Variants in INO80 observed in about 807,000 individuals in gnomAD.
The protein encoded by INO80 is chromatin-remodeling ATPase INO80.
Under a neutral mutation model 203.4 loss-of-function variants are expected in INO80, and 20 were observed. The observed-to-expected ratio is 0.10, with a 90% CI of 0.07 to 0.14. INO80 has a LOEUF of 0.14. INO80 is among the 10% of genes least tolerant of loss of function. The pLI, the probability that INO80 is intolerant of heterozygous loss-of-function variation, is 1.00. For missense variants in INO80, 1,419 were observed against 1,914.4 expected, an observed-to-expected ratio of 0.74 and a Z score of 4.83; for synonymous variants, 726 against 685.2, an observed-to-expected ratio of 1.06 and a Z score of -0.93.
At chr15:41,042,731 CA>C (rs1295480821) in intron 24 of INO80, among the ~76,000 whole-genome samples, 1 of 152,180 alleles carries the variant, frequency 6.6e-6, no homozygotes, top group Non-Finnish European at 1.5e-5. Context: ...GCCTCGGACT[CA>C]AAAAGTGCTG....
intron 29 of INO80, among the ~76,000 whole-genome samples, chr15:40,991,652 C>A (rs1031787412): frequency 6.6e-6 from 1 of 151,976 alleles, no homozygotes; most frequent in Non-Finnish European, 1.5e-5. Context: ...ATTGTAAACA[C>A]CAAGCAGGGC....
intron 4 of INO80, among the ~76,000 whole-genome samples, chr15:41,093,989 CGG>C (rs1566946719): frequency 6.6e-6 from 1 of 152,138 alleles, no homozygotes; most frequent in African/African-American, 2.4e-5. Flanking sequence ...TTAACCAAAT[CGG>C]ACCTTTTACA....
intron 29 of INO80, among the ~76,000 whole-genome samples, chr15:40,994,382 G>C (rs531816510): frequency 6.6e-6 from 1 of 152,094 alleles, no homozygotes; most frequent in South Asian, 2.1e-4. Flanking sequence ...GTTTGTTTTT[G>C]AGATGGAGTC....
Position 40,980,142 on chromosome 15 carries a change from C to CG in INO80, c.*80dup. 11 of 1,140,062 alleles carry CG rather than the reference C, an allele frequency of 9.6e-6. No individual in the cohort carries two copies. The highest frequency in any genetic ancestry group is 1.5e-5 in the Non-Finnish European group (11 of 755,400). 70.6% of individuals were successfully genotyped at this position (1,140,062 alleles called of 1,614,324 possible). A position where few individuals can be genotyped will look rare whatever the true frequency, so the allele number is the denominator to read the frequency against. On this transcript the variant is annotated 3_prime_UTR_variant, in exon 36 of 36. Coordinates refer to ENST00000648947, the MANE Select transcript of INO80 (RefSeq NM_017553.3). ...CTGACTCAGGATGCAAGATGCTGCA[C>CG]GGGGCAAGCCATCCAAAGACCACTG...
At chr15:41,000,706 C>CAA (rs58232890) in intron 28 of INO80, among the ~76,000 whole-genome samples, 191 of 56,288 alleles carry the variant, frequency 3.4e-3, no homozygotes, top group Middle Eastern at 0.013. Context: ...CACCCTGTCT[C>CAA]AAAAAAAAAA....
intron 28 of INO80, among the ~76,000 whole-genome samples, chr15:40,998,652 G>A (rs747918417): frequency 1.6e-4 from 24 of 150,992 alleles, no homozygotes; most frequent in Non-Finnish European, 2.8e-4. Context: ...CAAAGGACAA[G>A]TTTTGTTTTT....
chr15:40,987,059 G>T, intron 31 of INO80, 32 bp downstream of exon 31: 1 of 1,237,356 alleles, frequency 8.1e-7, no homozygotes, highest in South Asian at 1.2e-5. Flanking sequence ...TCAGATACGT[G>T]AGGGGAGTGT....
At chr15:41,009,605 GTTTTT>G (rs2140446907) in intron 27 of INO80, among the ~76,000 whole-genome samples, 1 of 151,816 alleles carries the variant, frequency 6.6e-6, no homozygotes, top group Admixed American at 6.6e-5. Context: ...GTTTTGTTTT[GTTTTT>G]GAGGCAGGGT....
intron 1 of INO80, among the ~76,000 whole-genome samples, chr15:41,114,273 C>CAA (rs60513256): frequency 0.016 from 2,094 of 128,864 alleles, 27 homozygotes; most frequent in Non-Finnish European, 0.026. Flanking sequence ...TCTCAAAAAA[C>CAA]AAAAAAAAAA....
rs1031541267 is a variant in INO80, at chr15:41,116,042, G to A, written c.-113C>T. 1.3e-5 allele frequency: 5 copies of A among 394,396 alleles called. No individual in the cohort carries two copies. Among genetic ancestry groups the A allele is most frequent in the African/African-American group, 4.1e-5 (2 of 48,348 alleles). 24.4% of individuals were successfully genotyped at this position (394,396 alleles called of 1,614,324 possible). Reference sequence around the variant, plus strand: ...GCGGGGTGCGGGCGGGGTCCGGAGGGGGGGGTCGCCCCGCCGACGGTGGAG... The same window carrying A: ...GCGGGGTGCGGGCGGGGTCCGGAGGAGGGGGTCGCCCCGCCGACGGTGGAG... On this transcript the variant is annotated 5_prime_UTR_variant, in exon 1 of 36. Transcript: ENST00000648947.
intron 25 of INO80, among the ~76,000 whole-genome samples, 189 bp from the exon 26 acceptor site, chr15:41,021,314 C>T (rs533097694): frequency 7.2e-4 from 110 of 152,272 alleles, no homozygotes; most frequent in South Asian, 2.3e-3. Context: ...AAAAAGCCAA[C>T]CTCTTATAAA....
intron 28 of INO80, among the ~76,000 whole-genome samples, chr15:41,000,873 T>C (rs1255147301): frequency 6.6e-6 from 1 of 151,964 alleles, no homozygotes; most frequent in African/African-American, 2.4e-5. Context: ...AATAAATTAG[T>C]AGAAAAACTT....
At chr15:41,008,595 A>C (rs2044085907) in intron 27 of INO80, among the ~76,000 whole-genome samples, 1 of 152,200 alleles carries the variant, frequency 6.6e-6, no homozygotes, top group Admixed American at 6.5e-5. Context: ...AAATATATAC[A>C]ATTTTTATTT....
chr15:41,088,707 T>C (rs1239927433), intron 5 of INO80, among the ~76,000 whole-genome samples: 1 of 152,238 alleles, frequency 6.6e-6, no homozygotes, highest in Non-Finnish European at 1.5e-5. Flanking sequence ...ATTAAATCTC[T>C]TTCCTGGATT....
intron 16 of INO80, among the ~76,000 whole-genome samples, chr15:41,057,987 T>A (rs1292039180): frequency 6.6e-6 from 1 of 152,084 alleles, no homozygotes; most frequent in Non-Finnish European, 1.5e-5. Context: ...CTTTGGGACC[T>A]CAAAGGTATT....
Position 41,085,522 on chromosome 15 carries a change from G to T in INO80, c.720C>A (p.Ser240=), listed in dbSNP as rs866655826. 1.7e-5 allele frequency: 28 copies of T among 1,614,094 alleles called. No homozygotes were observed. Among genetic ancestry groups the T allele is most frequent in the Non-Finnish European group, 2.4e-5 (28 of 1,180,002 alleles). ...RRDEELSSEE[S]PRRHHHQTKV... is the part of the protein sequence containing the mutation. ...TGGTCTGGTGGTGATGGCGACGAGG[G>T]GATTCTTCAGAGGAAAGTTCTTCAT... The change falls in exon 7 of 36, where the codon TCC becomes TCA. Residue 240 remains serine, a synonymous_variant. Coordinates refer to ENST00000648947, the MANE Select transcript of INO80 (RefSeq NM_017553.3).
chr15:41,074,791 C>G (rs1355654186), intron 9 of INO80, among the ~76,000 whole-genome samples: 1 of 152,164 alleles, frequency 6.6e-6, no homozygotes. Flanking sequence ...GTCGCATGGG[C>G]TGGAGTATAG....
chr15:41,056,687 A>G lies in INO80; in HGVS notation c.2005T>C (p.Leu669=). ...SSSSVRWKIL[L]QFQCRNRLLL... is the part of the protein sequence containing the mutation. ...AGCCGATTCCGACACTGGAACTGTA[A>G]GAGGATCTTCCAACGAACACTGTTT... The change falls in exon 17 of 36, where the codon TTA becomes CTA. Residue 669 remains leucine, a synonymous_variant. Transcript: ENST00000648947. The G allele has an allele frequency of 6.2e-7, 1 of 1,614,064 alleles. No homozygotes were observed. Among genetic ancestry groups the G allele is most frequent in the Non-Finnish European group, 8.5e-7 (1 of 1,179,896 alleles).
chr15:41,040,674 C>T (rs566865381), intron 24 of INO80, among the ~76,000 whole-genome samples: 28 of 152,066 alleles, frequency 1.8e-4, no homozygotes, highest in African/African-American at 5.5e-4. Context: ...AGTTCGAGGC[C>T]GGCCTGAACA....
Sources: gnomAD v4.1 joint callset for allele counts (sites outside exome capture counted in the v4.1 genomes callset) on GRCh38, gnomAD v4.1.1 for gene constraint, MANE v1.5 for transcripts, NCBI Gene and HGNC (gene_info 2026-07-23, HGNC 2026-07-21) for gene names.